ASTN1: variants seen among roughly 807,000 people sequenced by gnomAD.
ASTN1 encodes the protein astrotactin-1.
Under a neutral mutation model 140.7 loss-of-function variants are expected in ASTN1, and 41 were observed. The observed-to-expected ratio is 0.29, with a 90% CI of 0.23 to 0.38. The LOEUF (loss-of-function observed/expected upper bound fraction) is 0.38. Ranked by LOEUF, ASTN1 falls within the 10% of genes least tolerant of loss-of-function variation. ASTN1 has a pLI of 1.00. For missense variants in ASTN1, 1,479 were observed against 1,678.8 expected (o/e 0.88, Z 2.08); for synonymous variants, 640 against 652.2 (o/e 0.98, Z 0.29).
intron 1 of ASTN1, among the ~76,000 whole-genome samples, chr1:177,069,895 G>T (rs1262864573): frequency 6.6e-6 from 1 of 150,732 alleles, no homozygotes; most frequent in African/African-American, 2.4e-5. Flanking sequence ...TTTTGAAAAA[G>T]GCAGGGTTAT....
At chr1:176,959,982 T>G (rs1035958401) in intron 9 of ASTN1, among the ~76,000 whole-genome samples, 1 of 152,108 alleles carries the variant, frequency 6.6e-6, no homozygotes, top group African/African-American at 2.4e-5. Flanking sequence ...TTCATTCTTC[T>G]GTGAAGCAGT....
chr1:177,101,467 C>T (rs1031718158), intron 1 of ASTN1, among the ~76,000 whole-genome samples: 1 of 152,100 alleles, frequency 6.6e-6, no homozygotes, highest in Non-Finnish European at 1.5e-5. Context: ...AAAAAGTTTG[C>T]TTTGTAAGGT....
chr1:177,004,502 A>G (rs771544382), intron 8 of ASTN1, among the ~76,000 whole-genome samples: 4 of 152,184 alleles, frequency 2.6e-5, no homozygotes, highest in Non-Finnish European at 5.9e-5. Context: ...AACAACAACA[A>G]CAAAAGCCCG....
At chr1:176,978,174 C>A (rs1170441277) in intron 8 of ASTN1, among the ~76,000 whole-genome samples, 2 of 152,126 alleles carry the variant, frequency 1.3e-5, no homozygotes, top group Non-Finnish European at 2.9e-5. Context: ...ACATTACAAA[C>A]AGCAAAGGTA....
intron 1 of ASTN1, among the ~76,000 whole-genome samples, chr1:177,080,382 T>TC (rs1034425965): frequency 6.6e-6 from 1 of 152,128 alleles, no homozygotes; most frequent in African/African-American, 2.4e-5. Flanking sequence ...CTGCCTTATG[T>TC]CCTTTAGACC....
At chr1:177,068,906 C>T (rs922940777) in intron 1 of ASTN1, among the ~76,000 whole-genome samples, 1 of 150,824 alleles carries the variant, frequency 6.6e-6, no homozygotes. Context: ...TCAGCCTCTA[C>T]CTATGGGGCT....
chr1:177,115,452 A>C (rs1252834378), intron 1 of ASTN1, among the ~76,000 whole-genome samples: 1 of 152,096 alleles, frequency 6.6e-6, no homozygotes, highest in African/African-American at 2.4e-5. Flanking sequence ...CAGGTGGATC[A>C]CCTGAGGTCA....
intron 8 of ASTN1, among the ~76,000 whole-genome samples, chr1:176,971,610 C>T (rs1038062412): frequency 2.0e-5 from 3 of 152,190 alleles, no homozygotes; most frequent in Non-Finnish European, 4.4e-5. Context: ...CCTTCCCTGG[C>T]ACTCCTAGAC....
chr1:176,906,372 C>T (rs543840607), intron 16 of ASTN1, among the ~76,000 whole-genome samples: 18 of 152,304 alleles, frequency 1.2e-4, no homozygotes, highest in Middle Eastern at 6.8e-3. Context: ...CAGGTTTTCA[C>T]TGAGTGCCAA....
chr1:176,873,240 C>G (rs1668423261), intron 21 of ASTN1, among the ~76,000 whole-genome samples: 1 of 152,204 alleles, frequency 6.6e-6, no homozygotes, highest in African/African-American at 2.4e-5. Context: ...TGGATGAGAA[C>G]TAGCCTTCCC....
At chr1:176,870,945 T>C (rs1463017213) in intron 21 of ASTN1, among the ~76,000 whole-genome samples, 1 of 152,156 alleles carries the variant, frequency 6.6e-6, no homozygotes, top group Non-Finnish European at 1.5e-5. Flanking sequence ...ATGAGAAGAT[T>C]TGGGAAAAGG....
At chr1:177,121,083 C>CATATATAT (rs58390538) in intron 1 of ASTN1, among the ~76,000 whole-genome samples, 3,824 of 149,030 alleles carry the variant, frequency 0.026, 179 homozygotes, top group African/African-American at 0.089. Flanking sequence ...GCTGGTGATA[C>CATATATAT]ATATATATAT....
chr1:176,927,714 C>G (rs1671030644), intron 16 of ASTN1, among the ~76,000 whole-genome samples: 1 of 152,194 alleles, frequency 6.6e-6, no homozygotes, highest in South Asian at 2.1e-4. Flanking sequence ...GTGGTCATAT[C>G]ACTTTGTAAT....
Position 176,974,329 on chromosome 1 carries a change from ATATT to A in ASTN1, c.1524-9096_1524-9093del, listed in dbSNP as rs1327156323. ...TTGGGATGCAGTCAATTTTTAATAA[ATATT>A]AACTGTTATTATACACACATTAATA... On this transcript the variant is annotated intron_variant, in intron 8 of 22. Coordinates refer to ENST00000361833, the MANE Select transcript of ASTN1 (RefSeq NM_004319.3). Among the ~76,000 whole-genome samples the A allele has an allele frequency of 2.6e-5, 4 of 152,278 alleles. No homozygotes were observed. The East Asian group carries it at 7.7e-4, about 29-fold the overall frequency.
chr1:177,113,409 A>G (rs1459080513), intron 1 of ASTN1, among the ~76,000 whole-genome samples: 1 of 152,206 alleles, frequency 6.6e-6, no homozygotes, highest in Non-Finnish European at 1.5e-5. Context: ...TTTTTGGATT[A>G]GGGATGTTCA....
At chr1:176,869,932 C>T (rs866713468) in intron 21 of ASTN1, among the ~76,000 whole-genome samples, 1 of 152,066 alleles carries the variant, frequency 6.6e-6, no homozygotes, top group African/African-American at 2.4e-5. Context: ...CCACCTAGAC[C>T]AGGTGCAAAG....
intron 1 of ASTN1, among the ~76,000 whole-genome samples, chr1:177,119,567 T>C (rs227523): frequency 0.25 from 38,107 of 151,966 alleles, 7,309 homozygotes; most frequent in African/African-American, 0.55. Flanking sequence ...AAATGCAAAG[T>C]GTATTTTGGT....
At chr1:177,035,530 A>G (rs532023412) in intron 2 of ASTN1, among the ~76,000 whole-genome samples, 9 of 152,380 alleles carry the variant, frequency 5.9e-5, no homozygotes, top group African/African-American at 2.2e-4. Flanking sequence ...ATCCAAGATT[A>G]GTTGGTAGTA....
chr1:177,160,179 TA>T (rs1647274655), intron 1 of ASTN1, among the ~76,000 whole-genome samples: 1 of 152,214 alleles, frequency 6.6e-6, no homozygotes, highest in African/African-American at 2.4e-5. Flanking sequence ...TTAAACATCA[TA>T]TTGACCTGAG....
Sources: gnomAD v4.1 joint callset for allele counts (sites outside exome capture counted in the v4.1 genomes callset) on GRCh38, gnomAD v4.1.1 for gene constraint, MANE v1.5 for transcripts, NCBI Gene and HGNC (gene_info 2026-07-23, HGNC 2026-07-21) for gene names.